The following BCORL1 variants were observed in gnomAD, a reference collection of about 807,000 sequenced individuals.
The protein encoded by BCORL1 is BCL6 corepressor like 1.
A neutral mutation model predicts 87.6 loss-of-function variants in BCORL1; 7 were observed. The ratio of observed to expected loss-of-function variants is 0.08; its 90% CI spans 0.05 to 0.15. BCORL1 has a LOEUF of 0.15. Among genes scored for constraint, BCORL1 ranks in the 10% least tolerant of loss-of-function variants. The pLI is 1.00. For missense variants in BCORL1, 1,215 were observed against 1,499.7 expected, an observed-to-expected ratio of 0.81 and a Z score of 3.13; for synonymous variants, 591 against 634.4, an observed-to-expected ratio of 0.93 and a Z score of 1.03.
In BCORL1 at chrX:130,014,567, TCTC is replaced by T; in HGVS notation, c.1799_1801del (p.Pro600del). On this transcript the variant is annotated inframe_deletion, in exon 4 of 14. Transcript: ENST00000540052. ...AACAGAAGGGACTTCCGTTACCTTC[TCTC>T]CTCTTAAGTCACCGCCACAGCTGGA... The T allele has an allele frequency of 8.3e-7, 1 of 1,211,014 alleles. No individual in the cohort carries two copies. Among genetic ancestry groups the T allele is most frequent in the Non-Finnish European group, 1.1e-6 (1 of 895,283 alleles).
In BCORL1 at chrX:130,014,271, G is replaced by C; in HGVS notation, c.1499G>C (p.Arg500Pro). The change falls in exon 4 of 14, where the codon CGT becomes CCT. Residue 500 changes from arginine to proline, a missense_variant. Physicochemically the swap from Arg to Pro is moderately radical, Grantham distance 103. Around this residue, in one of 5 missense-constraint regions of BCORL1, gnomAD observed 861 missense variants for 1,010.0 expected, o/e 0.85. Coordinates refer to ENST00000540052, the MANE Select transcript of BCORL1 (RefSeq NM_001379451.1). ...GGCGTGCTAGCCTCCCCCGAGCTCCGTTCTTACCCGTATGCATTTTCTGTG... is the reference window on the plus strand; with the variant it reads ...GGCGTGCTAGCCTCCCCCGAGCTCCCTTCTTACCCGTATGCATTTTCTGTG... ...LPGVLASPELRSYPYAFSVAR... is the reference protein window; with the variant it reads ...LPGVLASPELPSYPYAFSVAR... The C allele has an allele frequency of 8.3e-7, 1 of 1,210,823 alleles. No individual in the cohort carries two copies. Among genetic ancestry groups the C allele is most frequent in the Non-Finnish European group, 1.1e-6 (1 of 895,309 alleles).
At chrX:130,012,172 T>C (rs1929025067) in intron 2 of BCORL1, among the ~76,000 whole-genome samples, 1 of 111,712 alleles carries the variant, frequency 9.0e-6, no homozygotes, top group Non-Finnish European at 1.9e-5. Context: ...AAAAGAAAAA[T>C]GGGTTTTGCA....
intron 1 of BCORL1, among the ~76,000 whole-genome samples, chrX:129,992,076 C>T (rs1927235746): frequency 9.1e-6 from 1 of 110,180 alleles, no homozygotes; most frequent in African/African-American, 3.3e-5. Context: ...CTCAAGTGAT[C>T]TTCCCACTTC....
chrX:130,052,111 C>T (rs775833273), intron 13 of BCORL1, 95 bp downstream of exon 13: 41 of 901,883 alleles, frequency 4.5e-5, no homozygotes, highest in African/African-American at 1.2e-4. Flanking sequence ...GACCTGGCAA[C>T]GAGTGCCATC....
intron 11 of BCORL1, among the ~76,000 whole-genome samples, chrX:130,047,663 G>A (rs957038250): frequency 8.9e-6 from 1 of 112,095 alleles, no homozygotes; most frequent in African/African-American, 3.2e-5. Context: ...TTGTGGGGAA[G>A]GGGGACAGCA....
intron 1 of BCORL1, among the ~76,000 whole-genome samples, chrX:129,999,725 A>G (rs1927887610): frequency 9.6e-6 from 1 of 103,732 alleles, no homozygotes; most frequent in Admixed American, 1.1e-4. Context: ...CCTAGGCTGG[A>G]GTGCAGTGGT....
Position 130,015,944 on chromosome X carries a change from G to A in BCORL1, c.3172G>A (p.Val1058Met), listed in dbSNP as rs1435618946. ...GAAAATGGAGAAGGTGGATGGTGAT[G>A]TGGTCTTCAATTTAGCCACCTGCTT... is the stretch of plus-strand genomic sequence containing the variant. ...RVKMEKVDGD[V>M]VFNLATCFRA... is the part of the protein sequence containing the mutation. The change falls in exon 4 of 14, where the codon GTG (valine) becomes ATG (methionine). Residue 1058 changes from valine to methionine, a missense_variant. This residue lies in a region of BCORL1 where 861 missense variants were observed against 1,010.0 expected (regional missense o/e 0.85). Transcript: ENST00000540052. 8.3e-7 allele frequency: 1 copy of A among 1,212,090 alleles called. No individual in the cohort carries two copies. The highest frequency in any genetic ancestry group is 2.2e-5 in the Admixed American group (1 of 46,070).
At chrX:130,000,746 A>G (rs1371125218) in intron 1 of BCORL1, among the ~76,000 whole-genome samples, 1 of 112,698 alleles carries the variant, frequency 8.9e-6, no homozygotes, top group Non-Finnish European at 1.9e-5. Flanking sequence ...CATATACATC[A>G]GTTACCTGCA....
At chrX:130,032,578 A>C (rs1930677573) in intron 8 of BCORL1, among the ~76,000 whole-genome samples, 1 of 110,568 alleles carries the variant, frequency 9.0e-6, no homozygotes, top group African/African-American at 3.3e-5. Context: ...AGATCAGGGG[A>C]TCACTGGGGC....
intron 9 of BCORL1, among the ~76,000 whole-genome samples, chrX:130,037,103 G>A (rs764230729): frequency 1.5e-3 from 167 of 110,929 alleles, no homozygotes; most frequent in Non-Finnish European, 2.4e-3. Flanking sequence ...CTGAGATTGC[G>A]CCACTGCACT....
In BCORL1 at chrX:130,043,746, TTATATATATATATATATATATATA is replaced by T. The variant is rs55637661; in HGVS notation, c.4840+4480_4840+4503del. On this transcript the variant is annotated intron_variant, in intron 11 of 13. Coordinates refer to ENST00000540052, the MANE Select transcript of BCORL1 (RefSeq NM_001379451.1). The stretch of plus-strand genomic sequence containing the variant: ...CCCGCCACCATGCCCAGCTAATTTG[TTATATATATATATATATATATATA>T]TATATATATATATATTTTTTTTTTT... Among the ~76,000 whole-genome samples the T allele has an allele frequency of 9.1e-3, 159 of 17,476 alleles. 4 individuals are homozygous for T. The highest frequency in any genetic ancestry group is 0.025 in the Admixed American group (22 of 895). The allele number at this position is 17,476 out of a possible 115,157, so 15.2% of individuals were successfully genotyped here.
chrX:129,983,017 C>T (rs373299867), intron 1 of BCORL1, among the ~76,000 whole-genome samples: 1 of 108,991 alleles, frequency 9.2e-6, no homozygotes, highest in African/African-American at 3.4e-5. Context: ...TTCCCTGCGG[C>T]CGCTCGGCTT....
intron 1 of BCORL1, among the ~76,000 whole-genome samples, chrX:129,992,746 C>T (rs766201798): frequency 3.5e-4 from 39 of 110,971 alleles, no homozygotes; most frequent in Admixed American, 9.7e-4. Context: ...TTTGTAGAGA[C>T]GGGGTTTCAC....
At chrX:130,001,598 G>A (rs769343445) in intron 1 of BCORL1, among the ~76,000 whole-genome samples, 1 of 111,327 alleles carries the variant, frequency 9.0e-6, no homozygotes, top group Non-Finnish European at 1.9e-5. Flanking sequence ...TGAGTCTTGA[G>A]AGAAGACAGG....
At chrX:129,989,589 C>T (rs1160979212) in intron 1 of BCORL1, among the ~76,000 whole-genome samples, 1 of 100,345 alleles carries the variant, frequency 1.0e-5, no homozygotes, top group Non-Finnish European at 2.0e-5. Context: ...ACCTCAGCCT[C>T]CTGAGTAGCT....
At chrX:129,980,944 G>A (rs1170412579), upstream of BCORL1, among the ~76,000 whole-genome samples, 1 of 108,896 alleles carries the variant, frequency 9.2e-6, no homozygotes, top group African/African-American at 3.4e-5. Context: ...GCGTGGAGTT[G>A]TGAGCGGGGT....
rs943430513 is a variant in BCORL1, at chrX:130,005,068, G to C, written c.-44-120G>C. ...GTTTAGACCTTAATTTTCCATAGCA[G>C]GCTGGCTGCTTTAACATTCTGATGC... is the stretch of plus-strand genomic sequence containing the variant. On this transcript the variant is annotated intron_variant, in intron 1 of 13. Transcript: ENST00000540052. 2.5e-5 allele frequency: 11 copies of C among 433,248 alleles called. No homozygotes were observed. In the African/African-American group the frequency reaches 2.7e-4, roughly 10 times the overall value. The allele number at this position is 433,248 out of a possible 1,213,427, so 35.7% of individuals were successfully genotyped here. A position where few individuals can be genotyped will look rare whatever the true frequency, so the allele number is the denominator to read the frequency against.
Position 130,056,211 on chromosome X carries a change from G to A in BCORL1, c.*75G>A, listed in dbSNP as rs1055919357. On this transcript the variant is annotated 3_prime_UTR_variant, in exon 14 of 14. Transcript: ENST00000540052. ...CCCACCTCCTTGTCTTTCCCCGACC[G>A]AGCACCAGACTGCAGAATGAGGCAA... 4.9e-6 allele frequency: 5 copies of A among 1,021,778 alleles called. No homozygotes were observed. Among genetic ancestry groups the A allele is most frequent in the African/African-American group, 3.9e-5 (2 of 51,702 alleles). The allele number at this position is 1,021,778 out of a possible 1,213,427, so 84.2% of individuals were successfully genotyped here. A position where few individuals can be genotyped will look rare whatever the true frequency, so the allele number is the denominator to read the frequency against.
intron 4 of BCORL1, among the ~76,000 whole-genome samples, chrX:130,019,791 C>T (rs764405272): frequency 8.9e-6 from 1 of 112,270 alleles, no homozygotes; most frequent in African/African-American, 3.2e-5. Context: ...CAAGTTTAAC[C>T]CTTCCTTTCC....
Sources: allele counts gnomAD v4.1 joint callset (sites outside exome capture counted in the v4.1 genomes callset), GRCh38; gene constraint gnomAD v4.1.1; regional missense constraint gnomAD v4.1.1; transcripts MANE v1.5; gene names NCBI Gene and HGNC (gene_info 2026-07-23, HGNC 2026-07-21).